Variants in HMMR observed in about 807,000 individuals in gnomAD.
HMMR encodes the protein hyaluronan mediated motility receptor.
HMMR carries 108 observed loss-of-function variants against 101.0 expected under a neutral mutation model. That is an observed-to-expected ratio of 1.07 (90% confidence interval 0.92 to 1.25). HMMR has a LOEUF of 1.25. HMMR is among the 50% of genes most tolerant of loss of function. HMMR has a pLI of 0.00. For missense variants in HMMR, 813 were observed against 788.7 expected (o/e 1.03, Z -0.37); for synonymous variants, 296 against 276.4 (o/e 1.07, Z -0.70).
Position 163,480,758 on chromosome 5 carries a change from A to G in HMMR, c.1386-1884A>G, listed in dbSNP as rs982367421. ...GTGGATAATTCATCTTTCCTTTTCC[A>G]TAAAATGCTTGTTTATGACTTTTGT... On this transcript the variant is annotated intron_variant, in intron 12 of 17. Coordinates refer to ENST00000393915, the MANE Select transcript of HMMR (RefSeq NM_001142556.2). Among the ~76,000 whole-genome samples, 4 of 152,130 alleles carry G rather than the reference A, an allele frequency of 2.6e-5. No individual in the cohort carries two copies. The East Asian group carries it at 5.8e-4, about 22-fold the overall frequency.
chr5:163,489,288 T>G (rs1166886832), intron 16 of HMMR: 1 of 152,378 alleles, frequency 6.6e-6, no homozygotes, highest in Non-Finnish European at 1.5e-5. Context: ...AGGCCTTGGA[T>G]GGGTATTGGT....
Position 163,469,752 on chromosome 5 carries a change from T to C in HMMR, c.385T>C (p.Ser129Pro), listed in dbSNP as rs1371414852. The C allele has an allele frequency of 5.0e-6, 8 of 1,612,284 alleles. No individual in the cohort carries two copies. The highest frequency in any genetic ancestry group is 6.8e-6 in the Non-Finnish European group (8 of 1,178,458). ...RLNAALREKT[S>P]LSANNATLEK... ...AAATGCTGCACTAAGGGAAAAAACA[T>C]CTCTCTCTGCAAATAATGCTACACT... is the stretch of plus-strand genomic sequence containing the variant. The change falls in exon 5 of 18, where the codon TCT becomes CCT. Residue 129 changes from serine to proline, a missense_variant. Ser to Pro is a moderately conservative substitution (Grantham distance 74, BLOSUM62 -1). Coordinates refer to ENST00000393915, the MANE Select transcript of HMMR (RefSeq NM_001142556.2).
At chr5:163,487,597 C>T (rs1200741573) in intron 16 of HMMR, among the ~76,000 whole-genome samples, 1 of 152,062 alleles carries the variant, frequency 6.6e-6, no homozygotes, top group Non-Finnish European at 1.5e-5. Context: ...AATATCTTTA[C>T]TTGATATAGG....
intron 11 of HMMR, among the ~76,000 whole-genome samples, chr5:163,477,067 C>T (rs931730411): frequency 2.0e-5 from 3 of 152,072 alleles, no homozygotes; most frequent in South Asian, 2.1e-4. Context: ...ACTTTTTTCC[C>T]GAACTCTAGT....
At chr5:163,473,767 TACAGCATATTAC>T (rs765782885) in intron 9 of HMMR, among the ~76,000 whole-genome samples, 6 of 152,072 alleles carry the variant, frequency 3.9e-5, no homozygotes, top group Non-Finnish European at 5.9e-5. Context: ...TTTATTTCAA[TACAGCATATTAC>T]CTGTCTTGAT....
intron 16 of HMMR, among the ~76,000 whole-genome samples, chr5:163,487,160 G>T (rs558496528): frequency 1.6e-4 from 24 of 152,288 alleles, no homozygotes; most frequent in African/African-American, 5.1e-4. Context: ...ATATGAAAGG[G>T]TAATGAATTC....
intron 11 of HMMR, among the ~76,000 whole-genome samples, chr5:163,475,907 GC>G (rs1759055023): frequency 6.6e-6 from 1 of 152,060 alleles, no homozygotes; most frequent in Non-Finnish European, 1.5e-5. Context: ...TAAAGGTTTT[GC>G]CCCCTTTTTT....
In HMMR at chr5:163,475,510, T is replaced by C. The variant is rs299290; in HGVS notation, c.1106T>C (p.Val369Ala). ...CTCTGTTCTTTTCAAGAGGAAATGG[T>C]TAAAGAGAAGAATCTGTTTGAGGAA... ...QKLCSFQEEM[V>A]KEKNLFEEEL... The change falls in exon 11 of 18, where the codon GTT becomes GCT. Residue 369 changes from valine to alanine, a missense_variant. By Grantham distance (64) the Val-to-Ala change is moderately conservative. Transcript: ENST00000393915. 417,761 of 1,606,324 alleles carry C rather than the reference T, an allele frequency of 0.26. 56,929 individuals are homozygous for C. Among genetic ancestry groups the C allele is most frequent in the East Asian group, 0.5 (22,476 of 44,616 alleles).
intron 16 of HMMR, among the ~76,000 whole-genome samples, chr5:163,486,743 A>G (rs570903393): frequency 6.6e-6 from 1 of 152,348 alleles, no homozygotes; most frequent in South Asian, 2.1e-4. Context: ...TCCATGATAT[A>G]TGATGTTACC....
intron 11 of HMMR, among the ~76,000 whole-genome samples, chr5:163,478,119 C>A (rs1413080017): frequency 6.6e-6 from 1 of 151,910 alleles, no homozygotes; most frequent in Non-Finnish European, 1.5e-5. Context: ...CCAAAATATC[C>A]CTGAGATTTA....
intron 8 of HMMR, 47 bp downstream of exon 8, chr5:163,473,300 C>A: frequency 1.4e-6 from 2 of 1,466,788 alleles, no homozygotes; most frequent in Non-Finnish European, 1.9e-6. Flanking sequence ...TTTTAATACT[C>A]AGTCATTTTC....
intron 5 of HMMR, 148 bp downstream of exon 5, chr5:163,469,977 G>C: frequency 1.9e-6 from 1 of 525,618 alleles, no homozygotes. Flanking sequence ...AGACCAGCCT[G>C]ACCAACATGG....
rs866743365 is a variant in HMMR at position 163,472,050 on chromosome 5, A to T, written c.650+587A>T. On this transcript the variant is annotated intron_variant, in intron 7 of 17. Transcript: ENST00000393915. ...CCTTTTTTTATTTATTATTATTATT[A>T]TTTATTTTTTTTTTTAGAGATGGGG... Among the ~76,000 whole-genome samples, 1,157 of 140,610 alleles carry T rather than the reference A, an allele frequency of 8.2e-3. 14 individuals carry two copies. Among genetic ancestry groups the T allele is most frequent in the African/African-American group, 0.029 (1,019 of 35,522 alleles). The allele number at this position is 140,610 out of a possible 152,430, so 92.2% of individuals were successfully genotyped here. A position where few individuals can be genotyped will look rare whatever the true frequency, so the allele number is the denominator to read the frequency against.
At chr5:163,461,712 G>A (rs1758541345) in intron 1 of HMMR, among the ~76,000 whole-genome samples, 1 of 152,042 alleles carries the variant, frequency 6.6e-6, no homozygotes, top group African/African-American at 2.4e-5. Flanking sequence ...GAACCCGGGA[G>A]GCGGAGCTTG....
rs949143144 is a variant in HMMR, at chr5:163,483,722, C to T, written c.1786-347C>T. Among the ~76,000 whole-genome samples the T allele has an allele frequency of 5.9e-5, 9 of 152,132 alleles. No homozygotes were observed. In the South Asian group the frequency reaches 1.4e-3, roughly 24 times the overall value. On this transcript the variant is annotated intron_variant, in intron 15 of 17. Coordinates refer to ENST00000393915, the MANE Select transcript of HMMR (RefSeq NM_001142556.2). ...TTTGTGGTATGACTTATTGCAAATA[C>T]TCATTGTTTCTCAATATACTGATCT... is the stretch of plus-strand genomic sequence containing the variant.
chr5:163,478,535 C>A (rs1171250656), intron 11 of HMMR, 149 bp from the exon 12 acceptor site: 2 of 573,196 alleles, frequency 3.5e-6, no homozygotes, highest in East Asian at 2.8e-5. Flanking sequence ...CGAGGTAAGT[C>A]ATAAATTAGG....
chr5:163,483,800 G>A (rs1325873715), intron 15 of HMMR, among the ~76,000 whole-genome samples: 1 of 152,000 alleles, frequency 6.6e-6, no homozygotes, highest in African/African-American at 2.4e-5. Flanking sequence ...GTACAGTATT[G>A]GTTATAATGT....
rs2113472982 is a variant in HMMR, at chr5:163,471,284, C to T, written c.549+13C>T. On this transcript the variant is annotated intron_variant, in intron 6 of 17. Transcript: ENST00000393915. ...AACAAAGATGAGGGTGAGTGCTGCC[C>T]TTGGCAGGTTTGCTGTGTCTGGATC... 1 of 1,608,278 alleles carries T rather than the reference C, an allele frequency of 6.2e-7. No individual in the cohort carries two copies. Among genetic ancestry groups the T allele is most frequent in the South Asian group, 1.1e-5 (1 of 90,866 alleles).
In HMMR at chr5:163,490,482, C is replaced by G; in HGVS notation, c.2055C>G (p.His685Gln). 2 of 1,602,502 alleles carry G rather than the reference C, an allele frequency of 1.2e-6. No homozygotes were observed. The highest frequency in any genetic ancestry group is 1.7e-6 in the Non-Finnish European group (2 of 1,176,230). ...TGAATAAAGTTCTAGGTATCAAACA[C>G]TTTGATCCTTCAAAGGCTTTTCATC... Reference protein sequence around the residue: ...EELNKVLGIKHFDPSKAFHHE... With the variant: ...EELNKVLGIKQFDPSKAFHHE... The change falls in exon 17 of 18, where the codon CAC (histidine) becomes CAG (glutamine). Residue 685 changes from histidine (H) to glutamine (Q), a missense_variant. Coordinates refer to ENST00000393915, the MANE Select transcript of HMMR (RefSeq NM_001142556.2).
Sources: gnomAD v4.1 joint callset for allele counts (sites outside exome capture counted in the v4.1 genomes callset) on GRCh38, gnomAD v4.1.1 for gene constraint, MANE v1.5 for transcripts, NCBI Gene and HGNC (gene_info 2026-07-23, HGNC 2026-07-21) for gene names.